The following COPS2 variants were observed in gnomAD, a reference collection of about 807,000 sequenced individuals.
The protein encoded by COPS2 is COP9 signalosome subunit 2.
In COPS2, 10 loss-of-function variants were observed where a neutral mutation model predicts 66.1. The ratio of observed to expected loss-of-function variants is 0.15; its 90% CI spans 0.09 to 0.26. The LOEUF is 0.26. COPS2 is among the 10% of genes least tolerant of loss of function. The probability of loss-of-function intolerance (pLI) is 1.00; values close to 1 mark genes in which losing one functional copy is unlikely to be tolerated. For synonymous variants in COPS2, 179 were observed against 171.3 expected, an observed-to-expected ratio of 1.04 and a Z score of -0.35; for missense variants, 215 against 513.3, an observed-to-expected ratio of 0.42 and a Z score of 5.62.
intron 1 of COPS2, among the ~76,000 whole-genome samples, chr15:49,145,499 G>C (rs1388218539): frequency 6.6e-6 from 1 of 152,030 alleles, no homozygotes; most frequent in Non-Finnish European, 1.5e-5. Context: ...TATTCCCCAA[G>C]TCTAAATTTC....
intron 3 of COPS2, among the ~76,000 whole-genome samples, chr15:49,143,977 G>GGA (rs1555392395): frequency 6.7e-6 from 1 of 148,352 alleles, no homozygotes; most frequent in African/African-American, 2.5e-5. Context: ...CAGAGCGGGG[G>GGA]AAAAAAAAAA....
At chr15:49,130,359 G>C (rs1229271705) in intron 10 of COPS2, among the ~76,000 whole-genome samples, 1 of 151,984 alleles carries the variant, frequency 6.6e-6, no homozygotes, top group Non-Finnish European at 1.5e-5. Context: ...TCTATAGCAG[G>C]ATATTTTCAT....
intron 4 of COPS2, among the ~76,000 whole-genome samples, chr15:49,139,049 T>C (rs2084272524): frequency 6.6e-6 from 1 of 152,210 alleles, no homozygotes; most frequent in Non-Finnish European, 1.5e-5. Flanking sequence ...TAGCTCTTCT[T>C]TCATTATCCA....
chr15:49,139,932 T>TA lies in COPS2; in HGVS notation c.247-280dup, dbSNP rs1230780790. Among the ~76,000 whole-genome samples the TA allele has an allele frequency of 2.6e-5, 4 of 152,332 alleles. No homozygotes were observed. In the East Asian group the frequency reaches 7.7e-4, roughly 29 times the overall value. On this transcript the variant is annotated intron_variant, in intron 3 of 12. Coordinates refer to ENST00000388901, the MANE Select transcript of COPS2 (RefSeq NM_004236.4). ...AGAAATTGTCATTGCACAACATATT[T>TA]AAATCATAAAACCTACTACAATATT...
At chr15:49,142,151 G>T (rs897647124) in intron 3 of COPS2, among the ~76,000 whole-genome samples, 7 of 152,104 alleles carry the variant, frequency 4.6e-5, no homozygotes, top group Non-Finnish European at 8.8e-5. Context: ...TGGGGCTCTG[G>T]GCAACATAGA....
Position 49,124,998 on chromosome 15 carries a change from GAT to G in COPS2, c.*2950_*2951del, listed in dbSNP as rs1175321945. 6.6e-6 allele frequency: 1 copy of G among 151,954 alleles called. No individual in the cohort carries two copies. The highest frequency in any genetic ancestry group is 1.5e-5 in the Non-Finnish European group (1 of 67,958). 9.4% of individuals were successfully genotyped at this position (151,954 alleles called of 1,614,324 possible). A position where few individuals can be genotyped will look rare whatever the true frequency, so the allele number is the denominator to read the frequency against. On this transcript the variant is annotated 3_prime_UTR_variant, in exon 13 of 13. Coordinates refer to ENST00000388901, the MANE Select transcript of COPS2 (RefSeq NM_004236.4). ...TGTTTACTGAAGAACTGTAACTATT[GAT>G]TAAAAAAGAAAATTTCCCACAAAAT...
intron 1 of COPS2, among the ~76,000 whole-genome samples, chr15:49,148,408 G>C (rs569601097): frequency 3.0e-4 from 45 of 152,232 alleles, no homozygotes; most frequent in Non-Finnish European, 6.2e-4. Flanking sequence ...AGATACCCAA[G>C]TCAGGTATAA....
chr15:49,139,489 A>C (rs376714316), intron 4 of COPS2, 39 bp downstream of exon 4: 130 of 1,526,158 alleles, frequency 8.5e-5, no homozygotes, highest in Non-Finnish European at 3.0e-5. Context: ...TAAATAATAA[A>C]CACACTGATC....
At chr15:49,136,766 C>T (rs768265990) in intron 6 of COPS2, among the ~76,000 whole-genome samples, 3 of 151,948 alleles carry the variant, frequency 2.0e-5, no homozygotes, top group African/African-American at 7.3e-5. Flanking sequence ...AGGCGGTGAT[C>T]GCCTGAGCTC....
In COPS2 at chr15:49,126,709, A is replaced by G. The variant is rs2084170154; in HGVS notation, c.*1241T>C. 6.6e-6 allele frequency: 1 copy of G among 152,114 alleles called. No individual in the cohort carries two copies. The highest frequency in any genetic ancestry group is 2.4e-5 in the African/African-American group (1 of 41,456). The allele number at this position is 152,114 out of a possible 1,614,324, so 9.4% of individuals were successfully genotyped here. ...AGTTCATTCTCCTAAGTATACTGCC[A>G]CTGCTCAAAAAACCTTTAAAACTCT... On this transcript the variant is annotated 3_prime_UTR_variant, in exon 13 of 13. Transcript: ENST00000388901.
intron 1 of COPS2, among the ~76,000 whole-genome samples, chr15:49,150,914 AAAAT>A (rs991826315): frequency 3.3e-5 from 5 of 152,200 alleles, no homozygotes; most frequent in African/African-American, 1.2e-4. Context: ...AAAGTTAAAA[AAAAT>A]AAATAAAACT....
intron 1 of COPS2, among the ~76,000 whole-genome samples, chr15:49,147,725 C>CAAAAAAA (rs34315247): frequency 1.1e-5 from 1 of 94,782 alleles, no homozygotes. Context: ...GTTACAACTC[C>CAAAAAAA]AAAAAAAAAA....
chr15:49,136,916 GAGGTAAAGGTTGC>G (rs2141126626), intron 6 of COPS2, among the ~76,000 whole-genome samples: 1 of 151,952 alleles, frequency 6.6e-6, no homozygotes, highest in South Asian at 2.1e-4. Flanking sequence ...TTCAGCCCAG[GAGGTAAAGGTTGC>G]AGTGAGCCAA....
chr15:49,128,676 G>C, intron 12 of COPS2, 26 bp downstream of exon 12: 2 of 1,508,980 alleles, frequency 1.3e-6, no homozygotes, highest in South Asian at 2.4e-5. Context: ...CAAATATTTT[G>C]TGATAAAAAA....
At position 49,129,512 on chromosome 15, in the gene COPS2, G is replaced by C; in HGVS notation, c.1093C>G (p.Pro365Ala). Residue 365 changes from proline (P) to alanine (A), a missense_variant, in exon 11 of 13, where the codon CCT (proline) becomes GCT (alanine). By Grantham distance (27) the Pro-to-Ala change is conservative (BLOSUM62 -1). Transcript: ENST00000388901. ...AAAGGAATATGTATTCTTGTGTAAG[G>C]CTTAATTAATTTTATAAGCACTTGT... ...RTQVLIKLIK[P>A]YTRIHIPFIS... is the part of the protein sequence containing the mutation. The C allele has an allele frequency of 6.7e-7, 1 of 1,502,414 alleles. No individual in the cohort carries two copies. Among genetic ancestry groups the C allele is most frequent in the Non-Finnish European group, 8.9e-7 (1 of 1,117,822 alleles). The allele number at this position is 1,502,414 out of a possible 1,614,324, so 93.1% of individuals were successfully genotyped here.
chr15:49,144,175 G>A, intron 3 of COPS2, 52 bp downstream of exon 3: 1 of 1,150,896 alleles, frequency 8.7e-7, no homozygotes, highest in African/African-American at 1.5e-5. Flanking sequence ...GTCGTGATGA[G>A]GTTTTTACCT....
intron 4 of COPS2, chr15:49,137,820 G>A (rs1470730472): frequency 5.7e-6 from 1 of 175,186 alleles, no homozygotes; most frequent in African/African-American, 2.4e-5. Flanking sequence ...TCTGTAACTG[G>A]TTGTGCTCAA....
chr15:49,148,475 C>T (rs1483685802), intron 1 of COPS2, among the ~76,000 whole-genome samples: 1 of 152,134 alleles, frequency 6.6e-6, no homozygotes, highest in South Asian at 2.1e-4. Context: ...AAGCAATTAA[C>T]ATGCAAATGC....
At chr15:49,128,637 T>C in intron 12 of COPS2, 65 bp downstream of exon 12, 1 of 1,140,984 alleles carries the variant, frequency 8.8e-7, no homozygotes, top group Non-Finnish European at 1.3e-6. Flanking sequence ...ATTGTTACCT[T>C]TGTCACTATT....
Sources: allele counts gnomAD v4.1 joint callset (sites outside exome capture counted in the v4.1 genomes callset), GRCh38; gene constraint gnomAD v4.1.1; transcripts MANE v1.5; gene names NCBI Gene and HGNC (gene_info 2026-07-23, HGNC 2026-07-21).